APP: variants seen among roughly 807,000 people sequenced by gnomAD.
APP encodes the protein amyloid beta precursor protein.
APP carries 31 observed loss-of-function variants against 101.4 expected under a neutral mutation model. The observed-to-expected ratio is 0.31, with a 90% CI of 0.23 to 0.41. APP has a LOEUF of 0.41. Among genes scored for constraint, APP ranks in the 10% least tolerant of loss-of-function variants. The pLI is 1.00. For synonymous variants in APP, 366 were observed against 364.4 expected, an observed-to-expected ratio of 1.00 and a Z score of -0.05; for missense variants, 839 against 1,003.7, an observed-to-expected ratio of 0.84 and a Z score of 2.22.
At chr21:25,884,564 T>C (rs557895345) in intron 17 of APP, among the ~76,000 whole-genome samples, 39 of 151,294 alleles carry the variant, frequency 2.6e-4, no homozygotes, top group Admixed American at 1.1e-3. Context: ...GCACCAATAA[T>C]GAGAGATTTC....
chr21:26,042,269 C>CCAGAG (rs2045406944), intron 5 of APP, among the ~76,000 whole-genome samples: 2 of 152,186 alleles, frequency 1.3e-5, no homozygotes, highest in Non-Finnish European at 2.9e-5. Context: ...CTTTCTCTCT[C>CCAGAG]ACCTAATTTT....
At chr21:26,157,500 T>C (rs898714528) in intron 1 of APP, among the ~76,000 whole-genome samples, 1 of 152,248 alleles carries the variant, frequency 6.6e-6, no homozygotes, top group African/African-American at 2.4e-5. Flanking sequence ...GATTCTGTAA[T>C]GTGTCAAACT....
At chr21:26,037,845 C>T (rs1053108293) in intron 5 of APP, among the ~76,000 whole-genome samples, 2 of 152,008 alleles carry the variant, frequency 1.3e-5, no homozygotes, top group African/African-American at 2.4e-5. Flanking sequence ...ATTCAAATGA[C>T]GTACAATGGG....
At chr21:26,003,831 G>A (rs2043397302) in intron 6 of APP, among the ~76,000 whole-genome samples, 1 of 152,104 alleles carries the variant, frequency 6.6e-6, no homozygotes, top group Non-Finnish European at 1.5e-5. Flanking sequence ...TTTCCCTCAG[G>A]GAAATAATGA....
intron 13 of APP, among the ~76,000 whole-genome samples, chr21:25,943,822 CAGT>C (rs1250100787): frequency 6.6e-6 from 1 of 152,154 alleles, no homozygotes. Context: ...AGTGATATCT[CAGT>C]GGTGATGATA....
rs1470575074 is a variant in APP, at chr21:26,149,957, C to T, written c.57+20607G>A. 2.0e-5 allele frequency among the ~76,000 whole-genome samples: 3 copies of T among 152,150 alleles called. No homozygotes were observed. The East Asian group carries it at 5.8e-4, about 29-fold the overall frequency. On this transcript the variant is annotated intron_variant, in intron 1 of 17. Coordinates refer to ENST00000346798, the MANE Select transcript of APP (RefSeq NM_000484.4). ...TGTATTGTTCTCTCCAGGTTTAATA[C>T]TTGTAGAAAAGGGGAAAAAAACCTT...
chr21:25,897,918 A>G (rs2038187046), intron 15 of APP: 2 of 519,034 alleles, frequency 3.9e-6, no homozygotes, highest in Non-Finnish European at 3.4e-6. Context: ...CTTTAAATAC[A>G]TGCTATAATT....
chr21:26,107,763 T>C (rs180879321), intron 2 of APP, among the ~76,000 whole-genome samples: 22 of 152,288 alleles, frequency 1.4e-4, no homozygotes, highest in South Asian at 4.1e-4. Flanking sequence ...ATGGTATTAG[T>C]GTCACTGTCA....
chr21:26,024,802 C>T (rs986271997), intron 5 of APP, among the ~76,000 whole-genome samples: 17 of 152,082 alleles, frequency 1.1e-4, no homozygotes, highest in African/African-American at 3.4e-4. Context: ...GTGTATGACC[C>T]CCAAGTGGAA....
intron 3 of APP, among the ~76,000 whole-genome samples, chr21:26,065,345 C>T (rs756999824): frequency 1.3e-4 from 20 of 152,066 alleles, no homozygotes; most frequent in Non-Finnish European, 2.6e-4. Context: ...TTGAAAAGAA[C>T]TAGAATTAAA....
chr21:26,014,061 A>C (rs759240722), intron 6 of APP, among the ~76,000 whole-genome samples: 4 of 152,162 alleles, frequency 2.6e-5, no homozygotes, highest in Admixed American at 6.5e-5. Flanking sequence ...TTCAAAACAC[A>C]AAGGTAAAGG....
At chr21:25,976,620 G>A (rs2042233435) in intron 9 of APP, among the ~76,000 whole-genome samples, 1 of 152,170 alleles carries the variant, frequency 6.6e-6, no homozygotes, top group African/African-American at 2.4e-5. Context: ...CCTAAGTCAT[G>A]AACAGCAAGG....
intron 1 of APP, among the ~76,000 whole-genome samples, chr21:26,166,871 T>TGAGAGA (rs559340452): frequency 2.6e-4 from 35 of 135,288 alleles, no homozygotes; most frequent in South Asian, 7.6e-4. Context: ...GTCACTCAAG[T>TGAGAGA]GAGAGAGAGA....
intron 1 of APP, among the ~76,000 whole-genome samples, chr21:26,134,869 A>T (rs2062863625): frequency 6.6e-6 from 1 of 152,234 alleles, no homozygotes; most frequent in Non-Finnish European, 1.5e-5. Context: ...AAGACCAAAT[A>T]GATGCCACAG....
At position 25,975,246 on chromosome 21, in the gene APP, T is replaced by C. The variant is rs760098970; in HGVS notation, c.1300-18A>G. 1.9e-6 allele frequency: 3 copies of C among 1,614,178 alleles called. No homozygotes were observed. The East Asian group carries it at 6.7e-5, about 36-fold the overall frequency. The stretch of plus-strand genomic sequence containing the variant: ...TGGAAATGCTGCCATCATAAACACA[T>C]ATGTCCATGGGGACTGAATAAGTAG... On this transcript the variant is annotated intron_variant, in intron 10 of 17. Coordinates refer to ENST00000346798, the MANE Select transcript of APP (RefSeq NM_000484.4).
At chr21:26,168,535 C>G (rs928518397) in intron 1 of APP, among the ~76,000 whole-genome samples, 1 of 152,178 alleles carries the variant, frequency 6.6e-6, no homozygotes, top group African/African-American at 2.4e-5. Context: ...AAACTAAATT[C>G]GAATCTGCCT....
chr21:25,903,844 A>T (rs1384273993), intron 15 of APP, among the ~76,000 whole-genome samples: 1 of 152,232 alleles, frequency 6.6e-6, no homozygotes, highest in Non-Finnish European at 1.5e-5. Flanking sequence ...AGCTGTCAAG[A>T]CGTGTCACAC....
At chr21:26,049,614 C>T (rs1379815084) in intron 5 of APP, among the ~76,000 whole-genome samples, 2 of 152,060 alleles carry the variant, frequency 1.3e-5, no homozygotes, top group African/African-American at 2.4e-5. Flanking sequence ...CTTTAGAAAT[C>T]CCAGAAGCAA....
At position 25,940,258 on chromosome 21, in the gene APP, T is replaced by G. The variant is rs150213475; in HGVS notation, c.1687+14332A>C. 1.3e-3 allele frequency among the ~76,000 whole-genome samples: 198 copies of G among 152,178 alleles called. 4 individuals are homozygous for G. The East Asian group carries it at 0.026, about 20-fold the overall frequency. ...AAAGGTAATAATGCTTATAAAAATA[T>G]TAGTAGTAGTAAGGGATATCAGGTG... On this transcript the variant is annotated intron_variant, in intron 13 of 17. Transcript: ENST00000346798.
Sources: gnomAD v4.1 joint callset for allele counts (sites outside exome capture counted in the v4.1 genomes callset) on GRCh38, gnomAD v4.1.1 for gene constraint, MANE v1.5 for transcripts, NCBI Gene and HGNC (gene_info 2026-07-23, HGNC 2026-07-21) for gene names.